The following SLC7A6OS variants were observed in gnomAD, a reference collection of about 807,000 sequenced individuals.
The protein encoded by SLC7A6OS is solute carrier family 7 member 6 opposite strand.
A neutral mutation model predicts 34.3 loss-of-function variants in SLC7A6OS; 22 were observed. The ratio of observed to expected loss-of-function variants is 0.64; its 90% CI spans 0.46 to 0.92. The LOEUF is 0.92. Ranked by LOEUF, SLC7A6OS falls within the 40% of genes least tolerant of loss-of-function variation. The pLI is 0.00. For missense variants in SLC7A6OS, 434 were observed against 407.7 expected (o/e 1.06, Z -0.56); for synonymous variants, 199 against 165.0 (o/e 1.21, Z -1.58).
In SLC7A6OS at chr16:68,299,906, G is replaced by C. The variant is rs1022197807; in HGVS notation, c.*1369C>G. The C allele has an allele frequency of 1.3e-5, 2 of 152,196 alleles. No individual in the cohort carries two copies. The highest frequency in any genetic ancestry group is 1.3e-4 in the Admixed American group (2 of 15,272). 9.4% of individuals were successfully genotyped at this position (152,196 alleles called of 1,614,324 possible). A position where few individuals can be genotyped will look rare whatever the true frequency, so the allele number is the denominator to read the frequency against. The stretch of plus-strand genomic sequence containing the variant: ...TCGGCAGGTTGAACAACTCCATGTA[G>C]ATAAGAGCAAGTGTAGGCAAAGGTT... On this transcript the variant is annotated 3_prime_UTR_variant, in exon 5 of 5. Transcript: ENST00000263997.
At chr16:68,310,246 C>G (rs1047733374) in intron 2 of SLC7A6OS, 89 bp downstream of exon 2, 1 of 1,397,424 alleles carries the variant, frequency 7.2e-7, no homozygotes, top group African/African-American at 1.4e-5. Flanking sequence ...CATCCATCCC[C>G]TTAAGATGAA....
At chr16:68,305,353 T>C (rs945689437) in intron 2 of SLC7A6OS, among the ~76,000 whole-genome samples, 5 of 152,220 alleles carry the variant, frequency 3.3e-5, no homozygotes, top group African/African-American at 9.6e-5. Context: ...ACCTATAGTC[T>C]TTCTACTGGA....
chr16:68,298,879 T>C lies in SLC7A6OS; in HGVS notation c.*2396A>G, dbSNP rs2043220319. 6.5e-6 allele frequency: 1 copy of C among 152,716 alleles called. No homozygotes were observed. The highest frequency in any genetic ancestry group is 1.5e-5 in the Non-Finnish European group (1 of 68,094). 9.5% of individuals were successfully genotyped at this position (152,716 alleles called of 1,614,324 possible). On this transcript the variant is annotated 3_prime_UTR_variant, in exon 5 of 5. Coordinates refer to ENST00000263997, the MANE Select transcript of SLC7A6OS (RefSeq NM_032178.3). The stretch of plus-strand genomic sequence containing the variant: ...GAACCTGCTAGCTTGACATACCCCA[T>C]GGGCTTATCCTTAGGTTTTGGAATT...
chr16:68,306,140 C>T (rs2043325021), intron 2 of SLC7A6OS, among the ~76,000 whole-genome samples: 1 of 152,192 alleles, frequency 6.6e-6, no homozygotes, highest in African/African-American at 2.4e-5. Flanking sequence ...TCTATTCTAC[C>T]TACTTTTGGG....
Position 68,300,808 on chromosome 16 carries a change from T to A in SLC7A6OS, c.*467A>T, listed in dbSNP as rs1461989288. On this transcript the variant is annotated 3_prime_UTR_variant, in exon 5 of 5. Transcript: ENST00000263997. ...CCCTAATGGCCATTACTATCCAGTC[T>A]GTATTGCTACAAGGGACCCACTGGT... The A allele has an allele frequency of 3.0e-6, 3 of 985,772 alleles. No individual in the cohort carries two copies. Among genetic ancestry groups the A allele is most frequent in the Non-Finnish European group, 3.6e-6 (3 of 830,294 alleles). 61.1% of individuals were successfully genotyped at this position (985,772 alleles called of 1,614,324 possible).
intron 3 of SLC7A6OS, 78 bp downstream of exon 3, chr16:68,303,948 G>T: frequency 7.6e-7 from 1 of 1,311,696 alleles, no homozygotes; most frequent in Non-Finnish European, 1.1e-6. Context: ...CGGGAGTGGA[G>T]CCCAGGGAAG....
Position 68,310,941 on chromosome 16 carries a change from A to G in SLC7A6OS, c.-15T>C. The G allele has an allele frequency of 1.3e-6, 2 of 1,565,850 alleles. No individual in the cohort carries two copies. Among genetic ancestry groups the G allele is most frequent in the East Asian group, 2.4e-5 (1 of 42,448 alleles). On this transcript the variant is annotated 5_prime_UTR_variant, in exon 1 of 5. Coordinates refer to ENST00000263997, the MANE Select transcript of SLC7A6OS (RefSeq NM_032178.3). ...GCGGCCTCCATAGTGGCTGCCGCTG[A>G]GCACTGTGGGAGCTCGCGGGGTGTG...
At chr16:68,302,304 A>C (rs751865964) in intron 4 of SLC7A6OS, 77 bp downstream of exon 4, 19 of 1,549,446 alleles carry the variant, frequency 1.2e-5, no homozygotes, top group African/African-American at 2.7e-5. Context: ...AAAGGCAATT[A>C]AGATGCACCT....
At chr16:68,305,091 C>T (rs2043317399) in intron 2 of SLC7A6OS, among the ~76,000 whole-genome samples, 1 of 152,162 alleles carries the variant, frequency 6.6e-6, no homozygotes, top group African/African-American at 2.4e-5. Flanking sequence ...CCTGGCCAGT[C>T]TTGACCCCAA....
At chr16:68,303,711 G>T in intron 3 of SLC7A6OS, 2 of 242,560 alleles carry the variant, frequency 8.2e-6, no homozygotes, top group Non-Finnish European at 7.9e-6. Flanking sequence ...TGATTTTATC[G>T]TCTTTATCTT....
intron 2 of SLC7A6OS, among the ~76,000 whole-genome samples, chr16:68,308,176 A>G (rs1034544280): frequency 2.0e-5 from 3 of 151,248 alleles, no homozygotes; most frequent in African/African-American, 7.3e-5. Context: ...TGCTGGGATT[A>G]CAGGCATGAG....
At position 68,306,823 on chromosome 16, in the gene SLC7A6OS, TATTCATTCATTCATTC is replaced by T. The variant is rs3068658; in HGVS notation, c.472-2607_472-2592del. On this transcript the variant is annotated intron_variant, in intron 2 of 4. Transcript: ENST00000263997. ...TTATTTTGAAGTCTATGTCCATGTG[TATTCATTCATTCATTC>T]ATTCATTCATTCATTCACTCAGAAT... Among the ~76,000 whole-genome samples, 8 of 150,364 alleles carry T rather than the reference TATTCATTCATTCATTC, an allele frequency of 5.3e-5. No individual in the cohort carries two copies. In the South Asian group the frequency reaches 8.4e-4, roughly 16 times the overall value.
Position 68,310,822 on chromosome 16 carries a change from G to C in SLC7A6OS, c.105C>G (p.Val35=). The C allele has an allele frequency of 6.2e-7, 1 of 1,613,710 alleles. No homozygotes were observed. The highest frequency in any genetic ancestry group is 8.5e-7 in the Non-Finnish European group (1 of 1,179,936). ...LACKRLRSDA[V]ESAAQKTSEG... is the part of the protein sequence containing the mutation. Reference sequence around the variant, plus strand: ...CCGACGTCTTCTGTGCCGCTGACTCGACCGCGTCGCTCCGGAGGCGTTTAC... The same window carrying C: ...CCGACGTCTTCTGTGCCGCTGACTCCACCGCGTCGCTCCGGAGGCGTTTAC... Residue 35 remains valine (V), a synonymous_variant, in exon 1 of 5, where the codon GTC becomes GTG. Coordinates refer to ENST00000263997, the MANE Select transcript of SLC7A6OS (RefSeq NM_032178.3).
chr16:68,303,481 G>A (rs923582072), intron 3 of SLC7A6OS, among the ~76,000 whole-genome samples: 2 of 151,440 alleles, frequency 1.3e-5, no homozygotes, highest in African/African-American at 4.9e-5. Flanking sequence ...TGCTTGGGAG[G>A]CTGAGATAGG....
chr16:68,302,155 G>C (rs2043287169), intron 4 of SLC7A6OS: 1 of 539,438 alleles, frequency 1.9e-6, no homozygotes, highest in East Asian at 3.1e-5. Flanking sequence ...CCACAGCAAA[G>C]TAATGACAAC....
At position 68,301,387 on chromosome 16, in the gene SLC7A6OS, C is replaced by T. The variant is rs200760334; in HGVS notation, c.818G>A (p.Ser273Asn). ...GCTGCCTCTTTCCTCCTCACTCAGG[C>T]TGTTGTAGTCAGCAGAGCCTAGAAT... ...EDSRGSADYN[S>N]LSEEERGSSR... Residue 273 changes from serine to asparagine, a missense_variant, in exon 5 of 5, where the codon AGC (serine) becomes AAC (asparagine). Transcript: ENST00000263997. The T allele has an allele frequency of 2.5e-6, 4 of 1,614,090 alleles. No homozygotes were observed. Among genetic ancestry groups the T allele is most frequent in the Admixed American group, 1.7e-5 (1 of 60,006 alleles).
In SLC7A6OS at chr16:68,301,159, G is replaced by A. The variant is rs2043265475; in HGVS notation, c.*116C>T. ...TGGTGCCGCCCGATATGCTTGATAT[G>A]CTTTTCCTTCCACATGTTAAGCTAG... On this transcript the variant is annotated 3_prime_UTR_variant, in exon 5 of 5. Coordinates refer to ENST00000263997, the MANE Select transcript of SLC7A6OS (RefSeq NM_032178.3). The A allele has an allele frequency of 6.7e-7, 1 of 1,482,504 alleles. No individual in the cohort carries two copies. The highest frequency in any genetic ancestry group is 1.4e-5 in the African/African-American group (1 of 71,182). The allele number at this position is 1,482,504 out of a possible 1,614,324, so 91.8% of individuals were successfully genotyped here.
At chr16:68,302,586 G>A in intron 3 of SLC7A6OS, 85 bp from the exon 4 acceptor site, 1 of 1,545,326 alleles carries the variant, frequency 6.5e-7, no homozygotes, top group South Asian at 1.1e-5. Context: ...CCAGCTTGAA[G>A]AGATATCATG....
chr16:68,302,520 A>G lies in SLC7A6OS; in HGVS notation c.679-19T>C. ...CATTCACCTACACATCTCAACACAAACATGAGTCCAAGTCAAAACCTCTAA... is the reference window on the plus strand; with the variant it reads ...CATTCACCTACACATCTCAACACAAGCATGAGTCCAAGTCAAAACCTCTAA... On this transcript the variant is annotated intron_variant, in intron 3 of 4. Transcript: ENST00000263997. The G allele has an allele frequency of 6.2e-7, 1 of 1,613,952 alleles. No individual in the cohort carries two copies.
Sources: gnomAD v4.1 joint callset for allele counts (sites outside exome capture counted in the v4.1 genomes callset) on GRCh38, gnomAD v4.1.1 for gene constraint, MANE v1.5 for transcripts, NCBI Gene and HGNC (gene_info 2026-07-23, HGNC 2026-07-21) for gene names.